Variants in MUC4 observed in about 807,000 individuals in gnomAD.
MUC4 encodes the protein mucin 4, cell surface associated, also known as mucin-4.
MUC4 carries 202 observed loss-of-function variants against 257.9 expected under a neutral mutation model. That is an observed-to-expected ratio of 0.78 (90% CI 0.70 to 0.88). MUC4 has a LOEUF of 0.88. MUC4 is among the 40% of genes least tolerant of loss of function. MUC4 has a pLI of 0.00. For synonymous variants in MUC4, 2,351 were observed against 2,757.1 expected (o/e 0.85, Z 4.62); for missense variants, 5,976 against 6,513.7 (o/e 0.92, Z 2.84).
chr3:195,750,846 C>G, intron 23 of MUC4, 43 bp downstream of exon 23: 2 of 1,579,800 alleles, frequency 1.3e-6, no homozygotes, highest in Non-Finnish European at 1.7e-6. Context: ...TTGCCCGCCC[C>G]CCGCAGTGAC....
intron 1 of MUC4, among the ~76,000 whole-genome samples, chr3:195,809,394 C>G (rs1397996538): frequency 6.6e-6 from 1 of 152,186 alleles, no homozygotes; most frequent in Non-Finnish European, 1.5e-5. Context: ...TGGCTGGCTG[C>G]CAGTCCTCCA....
chr3:195,776,054 C>G (rs1230219163), intron 3 of MUC4, among the ~76,000 whole-genome samples: 1 of 32,264 alleles, frequency 3.1e-5, no homozygotes, highest in Non-Finnish European at 5.5e-5. Flanking sequence ...AACTTCCACA[C>G]CCATACCTTC....
chr3:195,804,837 C>A (rs1211280368), intron 1 of MUC4, among the ~76,000 whole-genome samples: 2 of 152,212 alleles, frequency 1.3e-5, no homozygotes, highest in African/African-American at 4.8e-5. Flanking sequence ...CAACTGTGAC[C>A]AGGGTTGTGT....
At position 195,791,909 on chromosome 3, in the gene MUC4, G is replaced by A. The variant is rs144082489; in HGVS notation, c.83-412C>T. Among the ~76,000 whole-genome samples, 135 of 152,298 alleles carry A rather than the reference G, an allele frequency of 8.9e-4. 1 individual carries two copies. The highest frequency in any genetic ancestry group is 3.1e-3 in the African/African-American group (127 of 41,548). On this transcript the variant is annotated intron_variant, in intron 1 of 24. Transcript: ENST00000463781. ...GGAAAGGATTCTCTATTCAATAAAT[G>A]GTGCTGGGAAAACTGGTTAGCCATA...
At chr3:195,761,972 G>C in intron 14 of MUC4, 115 bp downstream of exon 14, 1 of 1,256,556 alleles carries the variant, frequency 8.0e-7, no homozygotes, top group East Asian at 2.5e-5. Flanking sequence ...CAAGGGTTCT[G>C]CTCCAAGGAG....
At chr3:195,767,507 C>CCATCGCCACCACCATCAT (rs1720928501) in intron 7 of MUC4, among the ~76,000 whole-genome samples, 2 of 140,728 alleles carry the variant, frequency 1.4e-5, no homozygotes, top group Non-Finnish European at 3.1e-5. Flanking sequence ...ATCACCACCA[C>CCATCGCCACCACCATCAT]CATCACCATC....
rs1280090646 is a variant in MUC4 at position 195,779,978 on chromosome 3, C to A, written c.11602G>T (p.Gly3868Cys). ...GTAACAGGAAGAGGGGTGGCGTGAC[C>A]TGTGGATGCTGAGGAAGGGCTAGTG... ...PVTSPSSAST[G>C]HATPLPVTGL... The change falls in exon 2 of 25, where the codon GGT becomes TGT. Residue 3868 changes from glycine to cysteine, a missense_variant. This residue lies in a region of MUC4 where 330 missense variants were observed against 262.0 expected (regional missense o/e 1.26). Coordinates refer to ENST00000463781, the MANE Select transcript of MUC4 (RefSeq NM_018406.7). 9.0e-6 allele frequency: 13 copies of A among 1,444,258 alleles called. 1 individual carries two copies. The highest frequency in any genetic ancestry group is 1.1e-5 in the Non-Finnish European group (12 of 1,089,330). The allele number at this position is 1,444,258 out of a possible 1,614,324, so 89.5% of individuals were successfully genotyped here. A position where few individuals can be genotyped will look rare whatever the true frequency, so the allele number is the denominator to read the frequency against.
chr3:195,753,020 G>T, intron 20 of MUC4, 31 bp downstream of exon 20: 1 of 1,592,784 alleles, frequency 6.3e-7, no homozygotes, highest in East Asian at 2.2e-5. Flanking sequence ...GGAAGAGTGC[G>T]GGGGTGAGAG....
intron 1 of MUC4, among the ~76,000 whole-genome samples, chr3:195,805,607 C>T (rs1735888397): frequency 6.6e-6 from 1 of 152,156 alleles, no homozygotes; most frequent in South Asian, 2.1e-4. Context: ...AGTGCTTCTC[C>T]TGCCTCAGCC....
In MUC4 at chr3:195,783,434, C is replaced by G; in HGVS notation, c.8146G>C (p.Gly2716Arg). ...GTGACAGGAAGAGAGGTGGTGTCAC[C>G]TGTGTATGCTGAGGAAGTGTCGGTG... Reference protein sequence around the residue: ...PVTDTSSAYTGDTTSLPVTDT... With the variant: ...PVTDTSSAYTRDTTSLPVTDT... The change falls in exon 2 of 25, where the codon GGT (glycine) becomes CGT (arginine). Residue 2716 changes from glycine to arginine, a missense_variant. Gly to Arg is a moderately radical substitution (Grantham distance 125). This residue lies in a region of MUC4 where 75 missense variants were observed against 58.7 expected (regional missense o/e 1.28). Transcript: ENST00000463781. 2 of 602,892 alleles carry G rather than the reference C, an allele frequency of 3.3e-6. No individual in the cohort carries two copies. Among genetic ancestry groups the G allele is most frequent in the Non-Finnish European group, 4.8e-6 (2 of 418,200 alleles). The allele number at this position is 602,892 out of a possible 1,614,324, so 37.3% of individuals were successfully genotyped here.
At chr3:195,756,904 G>A (rs776727272) in intron 18 of MUC4, among the ~76,000 whole-genome samples, 2 of 151,990 alleles carry the variant, frequency 1.3e-5, no homozygotes, top group South Asian at 4.2e-4. Flanking sequence ...CTTGTGATCC[G>A]CTTGCCTCAG....
At chr3:195,758,391 C>T (rs951473723) in intron 17 of MUC4, among the ~76,000 whole-genome samples, 36 of 152,178 alleles carry the variant, frequency 2.4e-4, no homozygotes, top group Middle Eastern at 3.4e-3. Context: ...AGGTACCAAA[C>T]GAAAGTATTT....
At position 195,750,910 on chromosome 3, in the gene MUC4, C is replaced by T; in HGVS notation, c.15850G>A (p.Asp5284Asn). 1.9e-6 allele frequency: 3 copies of T among 1,613,752 alleles called. No homozygotes were observed. Among genetic ancestry groups the T allele is most frequent in the Non-Finnish European group, 2.5e-6 (3 of 1,179,934 alleles). Residue 5284 changes from aspartate (D) to asparagine (N), a missense_variant, in exon 23 of 25, where the codon GAC becomes AAC. Coordinates refer to ENST00000463781, the MANE Select transcript of MUC4 (RefSeq NM_018406.7). Reference protein sequence around the residue: ...DVVFQPISGEDVRDVTALNVS... With the variant: ...DVVFQPISGENVRDVTALNVS... ...TCACGGGCTGTCACATCGCGCACGT[C>T]TTCCCCGGAGATGGGCTGGAAGACC...
chr3:195,758,096 G>A (rs1302340547), intron 17 of MUC4, among the ~76,000 whole-genome samples: 2 of 152,344 alleles, frequency 1.3e-5, no homozygotes, highest in East Asian at 3.9e-4. Context: ...GCCCCCCGGG[G>A]CTTTGGTTTA....
In MUC4 at chr3:195,788,929, C is replaced by G. The variant is rs199633370; in HGVS notation, c.2651G>C (p.Arg884Thr). 7.5e-4 allele frequency: 1,217 copies of G among 1,613,440 alleles called. 1 individual carries two copies. Among genetic ancestry groups the G allele is most frequent in the Non-Finnish European group, 8.2e-4 (962 of 1,179,724 alleles). The change falls in exon 2 of 25, where the codon AGA becomes ACA. Residue 884 changes from arginine to threonine, a missense_variant. This residue lies in a region of MUC4 where 1,583 missense variants were observed against 1,257.4 expected (regional missense o/e 1.26). Transcript: ENST00000463781. ...PTLSEASTAG[R>T]PTGQSSPTSP... ...AGTTGGGCTTGACTGTCCTGTCGGT[C>G]TCCCTGCAGTGGAGGCCTCAGAGAG...
In MUC4 at chr3:195,779,400, A is replaced by T. The variant is rs77023345; in HGVS notation, c.12180T>A (p.Gly4060=). The change falls in exon 2 of 25, where the codon GGT becomes GGA. Residue 4060 remains glycine, a synonymous_variant. Coordinates refer to ENST00000463781, the MANE Select transcript of MUC4 (RefSeq NM_018406.7). Reference sequence around the variant, plus strand: ...TGGTGACATGAAGAGGGGTGGCGTGACCTGTGGATAATGAGGAAGCATTGG... The same window carrying T: ...TGGTGACATGAAGAGGGGTGGCGTGTCCTGTGGATAATGAGGAAGCATTGG... ...PVTNASSLST[G]HATPLHVTSP... 1.9e-3 allele frequency: 812 copies of T among 430,768 alleles called. 88 individuals carry two copies. Among genetic ancestry groups the T allele is most frequent in the East Asian group, 9.6e-3 (108 of 11,260 alleles). 26.7% of individuals were successfully genotyped at this position (430,768 alleles called of 1,614,324 possible).
chr3:195,761,568 G>C lies in MUC4; in HGVS notation c.14530C>G (p.Pro4844Ala). The change falls in exon 15 of 25, where the codon CCA (proline) becomes GCA (alanine). Residue 4844 changes from proline to alanine, a missense_variant. Transcript: ENST00000463781. The part of the protein sequence containing the change: ...EGLLGVWNNN[P>A]EDDFRMPNGS... ...TTGGGCATCCTGAAGTCGTCCTCTG[G>C]ATTGTTATTCCAGACCCCTGAGGGA... 1 of 1,614,068 alleles carries C rather than the reference G, an allele frequency of 6.2e-7. No individual in the cohort carries two copies. The highest frequency in any genetic ancestry group is 2.2e-5 in the East Asian group (1 of 44,872).
intron 22 of MUC4, 25 bp from the exon 23 acceptor site, chr3:195,751,137 G>C: frequency 1.3e-6 from 2 of 1,525,558 alleles, no homozygotes; most frequent in Non-Finnish European, 8.9e-7. Context: ...AACGGTGAGG[G>C]GGGGTGGGGG....
intron 12 of MUC4, 149 bp from the exon 13 acceptor site, chr3:195,763,094 C>G: frequency 2.9e-6 from 2 of 698,158 alleles, no homozygotes; most frequent in Non-Finnish European, 4.8e-6. Flanking sequence ...TGCCAGCCGC[C>G]GTCTACCGTG....
Sources: allele counts gnomAD v4.1 joint callset (sites outside exome capture counted in the v4.1 genomes callset), GRCh38; gene constraint gnomAD v4.1.1; regional missense constraint gnomAD v4.1.1; transcripts MANE v1.5; gene names NCBI Gene and HGNC (gene_info 2026-07-23, HGNC 2026-07-21).